The following SLC15A2 variants were observed in gnomAD, a reference collection of about 807,000 sequenced individuals.
SLC15A2 encodes solute carrier family 15 member 2, also known as kidney H(+)/peptide cotransporter.
Under a neutral mutation model 95.5 loss-of-function variants are expected in SLC15A2, and 77 were observed. The ratio of observed to expected loss-of-function variants is 0.81; its 90% CI spans 0.67 to 0.97. SLC15A2 has a LOEUF of 0.97. SLC15A2 is among the 50% of genes least tolerant of loss of function. The probability of loss-of-function intolerance (pLI) is 0.00; values close to 1 mark genes in which losing one functional copy is unlikely to be tolerated. For missense variants in SLC15A2, 893 were observed against 874.4 expected (o/e 1.02, Z -0.27); for synonymous variants, 306 against 306.9 (o/e 1.00, Z 0.03).
rs1448530934 is a variant in SLC15A2 at position 121,937,065 on chromosome 3, T to C, written c.1762-2284T>C. Among the ~76,000 whole-genome samples, 41 of 146,026 alleles carry C rather than the reference T, an allele frequency of 2.8e-4. No individual in the cohort carries two copies. In the Middle Eastern group the frequency reaches 0.01, roughly 37 times the overall value. On this transcript the variant is annotated intron_variant, in intron 19 of 21. Coordinates refer to ENST00000489711, the MANE Select transcript of SLC15A2 (RefSeq NM_021082.4). ...ATATGAAATTCTGGGTTGAAAATTC[T>C]TTTCTTTAAGAATGTTGAATATTGG...
chr3:121,938,308 CG>C (rs1710390893), intron 19 of SLC15A2, among the ~76,000 whole-genome samples: 1 of 152,226 alleles, frequency 6.6e-6, no homozygotes, highest in Non-Finnish European at 1.5e-5. Context: ...TGGAGCTTCT[CG>C]GCTGCTTTGT....
chr3:121,906,728 A>G (rs1234321748), intron 3 of SLC15A2, among the ~76,000 whole-genome samples: 7 of 152,158 alleles, frequency 4.6e-5, no homozygotes, highest in South Asian at 2.1e-4. Context: ...CGAGAGATCC[A>G]CTGTTAGTCT....
chr3:121,914,992 C>T (rs1709856570), intron 5 of SLC15A2: 4 of 1,271,156 alleles, frequency 3.1e-6, no homozygotes, highest in African/African-American at 1.5e-5. Context: ...TATTTTTAAC[C>T]TATGAAAAGG....
chr3:121,908,086 T>A (rs528317700), intron 3 of SLC15A2, among the ~76,000 whole-genome samples: 128 of 152,344 alleles, frequency 8.4e-4, no homozygotes, highest in Non-Finnish European at 1.4e-3. Flanking sequence ...GCCTCAGCAA[T>A]GGCAGATGCC....
rs538308418 is a variant in SLC15A2 at position 121,927,838 on chromosome 3, A to T, written c.1205A>T (p.Asn402Ile). ...AVAAAVEIKI[N>I]EMAPAQPGPQ... ...GCGGCAGCTGTAGAGATAAAAATAA[A>T]TGTGAGTTCAGTAATTCTTAAGCTC... The change falls in exon 14 of 22, where the codon AAT becomes ATT. Residue 402 changes from asparagine (N) to isoleucine (I), a missense_variant and splice_region_variant. Asn to Ile is a moderately radical substitution (Grantham distance 149). Coordinates refer to ENST00000489711, the MANE Select transcript of SLC15A2 (RefSeq NM_021082.4). 5.0e-6 allele frequency: 8 copies of T among 1,609,750 alleles called. No homozygotes were observed. In the Admixed American group the frequency reaches 1.2e-4, roughly 23 times the overall value.
Position 121,928,475 on chromosome 3 carries a change from C to CTGGCAGATGATGAGGTGAAGG in SLC15A2, c.1264_1284dup (p.Ala422_Val428dup). On this transcript the variant is annotated inframe_insertion, in exon 15 of 22. Transcript: ENST00000489711. ...GGAGGTTTTCCTACAAGTCTTGAAT[C>CTGGCAGATGATGAGGTGAAGG]TGGCAGATGATGAGGTGAAGGTGAC... The CTGGCAGATGATGAGGTGAAGG allele has an allele frequency of 1.2e-6, 2 of 1,614,144 alleles. No individual in the cohort carries two copies. The highest frequency in any genetic ancestry group is 1.7e-6 in the Non-Finnish European group (2 of 1,179,992).
At chr3:121,913,661 T>C (rs1445081023) in intron 5 of SLC15A2, among the ~76,000 whole-genome samples, 2 of 152,238 alleles carry the variant, frequency 1.3e-5, no homozygotes, top group East Asian at 3.8e-4. Context: ...CAAGGAAACG[T>C]AATGAATGTC....
Position 121,939,496 on chromosome 3 carries a change from G to A in SLC15A2, c.1908+1G>A, listed in dbSNP as rs754418503. Reference sequence around the variant, plus strand: ...AGGTCTTGAGTTTTCTTATTCTCAGGTAAGTTTTTGCAAATAGAAGGTAGA... The same window carrying A: ...AGGTCTTGAGTTTTCTTATTCTCAGATAAGTTTTTGCAAATAGAAGGTAGA... On this transcript the variant is annotated splice_donor_variant, in intron 20 of 21. Coordinates refer to ENST00000489711, the MANE Select transcript of SLC15A2 (RefSeq NM_021082.4). LOFTEE classifies it high-confidence loss of function. 1.3e-6 allele frequency: 2 copies of A among 1,489,612 alleles called. No homozygotes were observed. The highest frequency in any genetic ancestry group is 5.0e-5 in the Admixed American group (2 of 39,964). The allele number at this position is 1,489,612 out of a possible 1,614,324, so 92.3% of individuals were successfully genotyped here. A position where few individuals can be genotyped will look rare whatever the true frequency, so the allele number is the denominator to read the frequency against.
chr3:121,897,163 G>A (rs2107564742), intron 2 of SLC15A2, among the ~76,000 whole-genome samples: 1 of 151,544 alleles, frequency 6.6e-6, no homozygotes, highest in South Asian at 2.1e-4. Flanking sequence ...CTGAAGGGAG[G>A]AGTATTATAT....
chr3:121,940,724 G>T, intron 21 of SLC15A2, 107 bp from the exon 22 acceptor site: 1 of 1,236,476 alleles, frequency 8.1e-7, no homozygotes, highest in South Asian at 1.5e-5. Flanking sequence ...CAAAAGTCTG[G>T]TTAAACTGGT....
intron 3 of SLC15A2, among the ~76,000 whole-genome samples, chr3:121,901,305 C>T (rs2107569889): frequency 6.6e-6 from 1 of 152,306 alleles, no homozygotes; most frequent in South Asian, 2.1e-4. Flanking sequence ...GTGTGAGCCA[C>T]TGTGCCCGGC....
At position 121,894,482 on chromosome 3, in the gene SLC15A2, T is replaced by C. The variant is rs887655714; in HGVS notation, c.6T>C (p.Asn2=). Residue 2 remains asparagine (N), a synonymous_variant, in exon 1 of 22, where the codon AAT becomes AAC. Transcript: ENST00000489711. Reference sequence around the variant, plus strand: ...GAGAGAGTAAGGAGCCAGCCATGAATCCTTTCCAGAAAAATGAGTCCAAGG... The same window carrying C: ...GAGAGAGTAAGGAGCCAGCCATGAACCCTTTCCAGAAAAATGAGTCCAAGG... The part of the protein sequence containing the change: M[N]PFQKNESKET... The C allele has an allele frequency of 7.4e-6, 12 of 1,612,942 alleles. No homozygotes were observed. The highest frequency in any genetic ancestry group is 1.0e-5 in the Non-Finnish European group (12 of 1,179,354).
chr3:121,898,337 G>A (rs546684888), intron 3 of SLC15A2, among the ~76,000 whole-genome samples: 1 of 151,770 alleles, frequency 6.6e-6, no homozygotes, highest in South Asian at 2.1e-4. Context: ...TCCTTCTTAT[G>A]AATCTAATAT....
At chr3:121,934,000 C>T (rs866383523) in intron 19 of SLC15A2, among the ~76,000 whole-genome samples, 2 of 151,530 alleles carry the variant, frequency 1.3e-5, no homozygotes, top group Non-Finnish European at 2.9e-5. Flanking sequence ...GTTTTCCCAG[C>T]ACCATTTATT....
chr3:121,929,210 C>T, intron 16 of SLC15A2, 64 bp downstream of exon 16: 4 of 1,602,248 alleles, frequency 2.5e-6, no homozygotes, highest in East Asian at 2.2e-5. Flanking sequence ...GTCTCATCAA[C>T]ATCTTACCAA....
Position 121,931,707 on chromosome 3 carries a change from G to A in SLC15A2, c.1733G>A (p.Gly578Asp), listed in dbSNP as rs369390605. ...FSLNLGLLDF[G>D]AAYLFVITNN... ...CTGAATTTGGGTCTTCTAGACTTTG[G>A]TGCAGCATATCTGTTTGTTATTACT... Residue 578 changes from glycine to aspartate, a missense_variant, in exon 19 of 22, where the codon GGT becomes GAT. Gly to Asp is a moderately conservative substitution (Grantham distance 94). Coordinates refer to ENST00000489711, the MANE Select transcript of SLC15A2 (RefSeq NM_021082.4). 8 of 1,612,552 alleles carry A rather than the reference G, an allele frequency of 5.0e-6. No individual in the cohort carries two copies. The East Asian group carries it at 1.6e-4, about 31-fold the overall frequency.
At chr3:121,917,263 C>T (rs1709914322) in intron 7 of SLC15A2, among the ~76,000 whole-genome samples, 1 of 152,016 alleles carries the variant, frequency 6.6e-6, no homozygotes, top group South Asian at 2.1e-4. Context: ...TTATATAGTT[C>T]AGTAGGGAAA....
chr3:121,913,959 CA>C (rs1709826608), intron 5 of SLC15A2, among the ~76,000 whole-genome samples: 1 of 150,934 alleles, frequency 6.6e-6, no homozygotes, highest in Non-Finnish European at 1.5e-5. Flanking sequence ...CACCTCCCGC[CA>C]CTCTCTCTCT....
At chr3:121,938,461 T>C (rs1204942116) in intron 19 of SLC15A2, among the ~76,000 whole-genome samples, 1 of 152,220 alleles carries the variant, frequency 6.6e-6, no homozygotes, top group Non-Finnish European at 1.5e-5. Context: ...GGATATAATC[T>C]CGTGGTGCGC....
Sources: gnomAD v4.1 joint callset for allele counts (sites outside exome capture counted in the v4.1 genomes callset) on GRCh38, gnomAD v4.1.1 for gene constraint, MANE v1.5 for transcripts, NCBI Gene and HGNC (gene_info 2026-07-23, HGNC 2026-07-21) for gene names.